PKN2: variants seen among roughly 807,000 people sequenced by gnomAD.
PKN2 encodes serine/threonine-protein kinase N2.
PKN2 carries 38 observed loss-of-function variants against 119.1 expected under a neutral mutation model. The observed-to-expected ratio is 0.32, with a 90% confidence interval of 0.25 to 0.42. The LOEUF (loss-of-function observed/expected upper bound fraction) is 0.42. PKN2 is among the 10% of genes least tolerant of loss of function. The pLI is 1.00. For missense variants in PKN2, 850 were observed against 1,165.1 expected (o/e 0.73, Z 3.94); for synonymous variants, 390 against 384.9 (o/e 1.01, Z -0.15).
rs780592049 is a variant in PKN2, at chr1:88,810,710, G to A, written c.2103-2847G>A. Among the ~76,000 whole-genome samples, 5 of 152,000 alleles carry A rather than the reference G, an allele frequency of 3.3e-5. No individual in the cohort carries two copies. In the East Asian group the frequency reaches 5.8e-4, roughly 18 times the overall value. On this transcript the variant is annotated intron_variant, in intron 15 of 21. Coordinates refer to ENST00000370521, the MANE Select transcript of PKN2 (RefSeq NM_006256.4). ...CAACCTCCGCCTCCCGGGTTCAAGC[G>A]ATTCTCCTTCCTTAGCCTCCCAAGT...
At chr1:88,752,879 G>A (rs1669055895) in intron 2 of PKN2, among the ~76,000 whole-genome samples, 1 of 151,772 alleles carries the variant, frequency 6.6e-6, no homozygotes, top group African/African-American at 2.4e-5. Flanking sequence ...CTTTTACCTG[G>A]ATCATTTAGC....
At chr1:88,792,503 C>G (rs142767459) in intron 8 of PKN2, among the ~76,000 whole-genome samples, 1 of 152,118 alleles carries the variant, frequency 6.6e-6, no homozygotes, top group East Asian at 1.9e-4. Flanking sequence ...CCTTGAGCAA[C>G]GCAGGGGCTA....
At chr1:88,792,595 T>G (rs1293019255) in intron 8 of PKN2, among the ~76,000 whole-genome samples, 1 of 152,172 alleles carries the variant, frequency 6.6e-6, no homozygotes, top group Non-Finnish European at 1.5e-5. Flanking sequence ...TAAATACTAA[T>G]AGTCTACTGT....
chr1:88,751,821 C>G (rs1214813026), intron 2 of PKN2, among the ~76,000 whole-genome samples: 1 of 152,050 alleles, frequency 6.6e-6, no homozygotes, highest in Non-Finnish European at 1.5e-5. Flanking sequence ...AGACGATTTC[C>G]CCTTTATATA....
At chr1:88,758,364 C>T (rs534675939) in intron 2 of PKN2, among the ~76,000 whole-genome samples, 2 of 133,518 alleles carry the variant, frequency 1.5e-5, no homozygotes, top group Admixed American at 1.6e-4. Flanking sequence ...TATAAAACAA[C>T]ATATTATGCT....
intron 16 of PKN2, among the ~76,000 whole-genome samples, chr1:88,818,853 A>G (rs1672127416): frequency 6.6e-6 from 1 of 152,136 alleles, no homozygotes; most frequent in Non-Finnish European, 1.5e-5. Context: ...GGAACAGAAC[A>G]GAGGCCTCAG....
chr1:88,829,224 C>G (rs1223489055), intron 19 of PKN2: 14 of 720,770 alleles, frequency 1.9e-5, no homozygotes, highest in Non-Finnish European at 2.9e-5. Context: ...AACATCAGCA[C>G]GATAAAAGCC....
intron 1 of PKN2, among the ~76,000 whole-genome samples, chr1:88,712,004 C>CT (rs1667252047): frequency 6.6e-6 from 1 of 151,420 alleles, no homozygotes; most frequent in African/African-American, 2.4e-5. Context: ...TTTTAACTTA[C>CT]TTTTTTCCCT....
chr1:88,820,195 T>C (rs1231044151), intron 16 of PKN2, among the ~76,000 whole-genome samples: 2 of 11,610 alleles, frequency 1.7e-4, no homozygotes, highest in Non-Finnish European at 4.2e-4. Flanking sequence ...TATATATATA[T>C]ATATATATAT....
chr1:88,730,440 G>T (rs1369395853), intron 1 of PKN2, among the ~76,000 whole-genome samples: 1 of 152,170 alleles, frequency 6.6e-6, no homozygotes, highest in African/African-American at 2.4e-5. Flanking sequence ...GTTTTGTCCT[G>T]TTTGTTCCTC....
Position 88,770,412 on chromosome 1 carries a change from G to A in PKN2, c.565G>A (p.Val189Ile), listed in dbSNP as rs1418597625. ...CCAGGACAGCAAGACAAAAATAGAA[G>A]TCATACGAATGCAGATTCTTCAGGC... is the stretch of plus-strand genomic sequence containing the variant. ...LLQDSKTKIE[V>I]IRMQILQAVQ... is the part of the protein sequence containing the mutation. Residue 189 changes from valine to isoleucine, a missense_variant, in exon 4 of 22, where the codon GTC becomes ATC. Around this residue, in one of 9 missense-constraint regions of PKN2, gnomAD observed 350 missense variants for 511.1 expected, o/e 0.68. Coordinates refer to ENST00000370521, the MANE Select transcript of PKN2 (RefSeq NM_006256.4). 1 of 1,613,566 alleles carries A rather than the reference G, an allele frequency of 6.2e-7. No individual in the cohort carries two copies. The highest frequency in any genetic ancestry group is 1.3e-5 in the African/African-American group (1 of 74,990).
chr1:88,831,483 AG>A (rs986399736), intron 19 of PKN2, among the ~76,000 whole-genome samples: 2 of 151,868 alleles, frequency 1.3e-5, no homozygotes, highest in Non-Finnish European at 2.9e-5. Context: ...ATGTATTTTG[AG>A]TGTACTACAT....
intron 15 of PKN2, among the ~76,000 whole-genome samples, chr1:88,809,994 C>T (rs1006326240): frequency 1.3e-4 from 20 of 151,824 alleles, no homozygotes; most frequent in Non-Finnish European, 1.9e-4. Flanking sequence ...AAAGAAAAAT[C>T]CAAGAGTGAG....
intron 8 of PKN2, among the ~76,000 whole-genome samples, chr1:88,787,001 G>A (rs953847601): frequency 1.4e-5 from 2 of 145,722 alleles, no homozygotes; most frequent in Non-Finnish European, 3.0e-5. Context: ...GGATAGAACA[G>A]TAATCACCAA....
intron 1 of PKN2, among the ~76,000 whole-genome samples, chr1:88,693,389 T>A (rs147023138): frequency 9.9e-4 from 151 of 152,308 alleles, no homozygotes; most frequent in African/African-American, 3.6e-3. Context: ...GTGCATCTTT[T>A]GATAAAAAAA....
At chr1:88,701,518 C>T (rs1375347320) in intron 1 of PKN2, among the ~76,000 whole-genome samples, 2 of 152,054 alleles carry the variant, frequency 1.3e-5, no homozygotes, top group African/African-American at 4.8e-5. Flanking sequence ...GCCTATAAAA[C>T]GAAACAAAAC....
chr1:88,827,714 T>C (rs894225551), intron 18 of PKN2, among the ~76,000 whole-genome samples: 4 of 148,970 alleles, frequency 2.7e-5, no homozygotes, highest in Non-Finnish European at 5.9e-5. Flanking sequence ...GATATATATA[T>C]GTTTTTTGTT....
chr1:88,758,131 A>G (rs1312439916), intron 2 of PKN2, among the ~76,000 whole-genome samples: 3 of 146,296 alleles, frequency 2.1e-5, no homozygotes, highest in Non-Finnish European at 4.5e-5. Flanking sequence ...TTATTTATTT[A>G]TTTTTGCAAA....
At chr1:88,797,432 AAG>A (rs1176705102) in intron 8 of PKN2, among the ~76,000 whole-genome samples, 1 of 151,556 alleles carries the variant, frequency 6.6e-6, no homozygotes, top group Non-Finnish European at 1.5e-5. Flanking sequence ...TCACGAGGTC[AAG>A]AGATCAAGAC....
Sources: allele counts gnomAD v4.1 joint callset (sites outside exome capture counted in the v4.1 genomes callset), GRCh38; gene constraint gnomAD v4.1.1; regional missense constraint gnomAD v4.1.1; transcripts MANE v1.5; gene names NCBI Gene and HGNC (gene_info 2026-07-23, HGNC 2026-07-21).